CNTN4: variants seen among roughly 807,000 people sequenced by gnomAD.
The protein encoded by CNTN4 is contactin-4.
CNTN4 carries 77 observed loss-of-function variants against 122.5 expected under a neutral mutation model. The observed-to-expected ratio is 0.63, with a 90% confidence interval of 0.52 to 0.76. The LOEUF is 0.76. Ranked by LOEUF, CNTN4 falls within the 30% of genes least tolerant of loss-of-function variation. CNTN4 has a pLI of 0.00. For missense variants in CNTN4, 1,256 were observed against 1,259.1 expected (o/e 1.00, Z 0.04); for synonymous variants, 512 against 447.0 (o/e 1.15, Z -1.83).
intron 7 of CNTN4, among the ~76,000 whole-genome samples, chr3:2,833,182 A>T (rs748031339): frequency 5.3e-5 from 8 of 152,222 alleles, no homozygotes; most frequent in Non-Finnish European, 7.3e-5. Context: ...ACAAGAAAAC[A>T]TGGATTCTAT....
intron 4 of CNTN4, among the ~76,000 whole-genome samples, chr3:2,655,224 A>G (rs750979942): frequency 5.9e-5 from 9 of 152,332 alleles, no homozygotes; most frequent in South Asian, 4.1e-4. Flanking sequence ...TTGAATCATT[A>G]ACTCTGAAGA....
At chr3:2,208,583 A>T (rs2038468226) in intron 2 of CNTN4, among the ~76,000 whole-genome samples, 1 of 152,172 alleles carries the variant, frequency 6.6e-6, no homozygotes, top group South Asian at 2.1e-4. Flanking sequence ...ATAGAGTTTG[A>T]GAGAATTGAC....
At chr3:2,987,198 T>C (rs1694658352) in intron 13 of CNTN4, among the ~76,000 whole-genome samples, 1 of 152,172 alleles carries the variant, frequency 6.6e-6, no homozygotes, top group South Asian at 2.1e-4. Context: ...CCAGTGTGAC[T>C]AGAGTTCATC....
intron 2 of CNTN4, among the ~76,000 whole-genome samples, chr3:2,252,603 T>A (rs2040421234): frequency 2.0e-5 from 3 of 152,090 alleles, no homozygotes. Flanking sequence ...TGCAGGTTAG[T>A]TTGTCCTGTC....
chr3:2,715,992 C>A (rs190844324), intron 4 of CNTN4, among the ~76,000 whole-genome samples: 1 of 152,084 alleles, frequency 6.6e-6, no homozygotes, highest in Non-Finnish European at 1.5e-5. Flanking sequence ...GAGAAAGGGT[C>A]TCACTCTGTC....
At chr3:2,256,118 G>T (rs191341641) in intron 2 of CNTN4, among the ~76,000 whole-genome samples, 168 of 152,240 alleles carry the variant, frequency 1.1e-3, no homozygotes, top group African/African-American at 3.8e-3. Context: ...TATCACCACT[G>T]ATCCCATAGA....
intron 2 of CNTN4, among the ~76,000 whole-genome samples, chr3:2,299,674 G>T (rs561737282): frequency 3.1e-4 from 47 of 152,170 alleles, no homozygotes; most frequent in African/African-American, 1.1e-3. Flanking sequence ...AGTAGATGTA[G>T]AAATTTAACG....
At chr3:2,809,023 A>G (rs1297224388) in intron 6 of CNTN4, among the ~76,000 whole-genome samples, 1 of 152,248 alleles carries the variant, frequency 6.6e-6, no homozygotes, top group African/African-American at 2.4e-5. Context: ...ACTATGTATC[A>G]GACACTGTTT....
At chr3:2,574,045 C>T (rs1443147830) in intron 4 of CNTN4, among the ~76,000 whole-genome samples, 5 of 152,098 alleles carry the variant, frequency 3.3e-5, no homozygotes, top group South Asian at 4.2e-4. Context: ...GAAGAAGCCC[C>T]GTCTCTACTA....
intron 3 of CNTN4, among the ~76,000 whole-genome samples, chr3:2,431,032 T>A (rs1195133944): frequency 2.6e-5 from 4 of 152,072 alleles, no homozygotes; most frequent in Non-Finnish European, 4.4e-5. Context: ...GAAAAAAAAA[T>A]ATTCACCTAG....
At chr3:2,552,828 A>G (rs1251698700) in intron 3 of CNTN4, among the ~76,000 whole-genome samples, 2 of 152,152 alleles carry the variant, frequency 1.3e-5, no homozygotes, top group Non-Finnish European at 2.9e-5. Flanking sequence ...GGAAATTGGG[A>G]GATGTGTTCA....
rs149803583 is a variant in CNTN4 at position 2,754,285 on chromosome 3, C to T, written c.358+8588C>T. 4.6e-5 allele frequency among the ~76,000 whole-genome samples: 7 copies of T among 152,278 alleles called. 1 individual carries two copies. Among genetic ancestry groups the T allele is most frequent in the South Asian group, 4.1e-4 (2 of 4,828 alleles). ...TTCACTTTCTTGTAGTAGTTCAGAT[C>T]TGCAAAGCAAAAGACTTAAGCTACT... On this transcript the variant is annotated intron_variant, in intron 6 of 24. Transcript: ENST00000418658.
intron 3 of CNTN4, among the ~76,000 whole-genome samples, chr3:2,436,999 A>C (rs2048280506): frequency 6.6e-6 from 1 of 151,932 alleles, no homozygotes; most frequent in Admixed American, 6.6e-5. Flanking sequence ...TTTTCTTTAG[A>C]GTATAGAATG....
chr3:2,988,533 A>G (rs1355942084), intron 14 of CNTN4, 61 bp downstream of exon 14: 6 of 1,574,454 alleles, frequency 3.8e-6, no homozygotes, highest in Non-Finnish European at 5.2e-6. Context: ...TAATAATGTA[A>G]TCTACCGAAG....
intron 3 of CNTN4, among the ~76,000 whole-genome samples, chr3:2,426,186 A>G (rs1006134462): frequency 1.8e-4 from 28 of 152,164 alleles, no homozygotes; most frequent in African/African-American, 6.3e-4. Context: ...CCCATTCAGT[A>G]TGATGTTAGC....
intron 6 of CNTN4, among the ~76,000 whole-genome samples, chr3:2,757,507 G>A (rs1346624779): frequency 2.0e-5 from 3 of 152,276 alleles, no homozygotes; most frequent in African/African-American, 4.8e-5. Flanking sequence ...GGCTGTAACC[G>A]TTCCACTGTG....
chr3:2,462,329 C>T (rs373758326), intron 3 of CNTN4, among the ~76,000 whole-genome samples: 1 of 152,080 alleles, frequency 6.6e-6, no homozygotes, highest in African/African-American at 2.4e-5. Context: ...GCATTGTGCC[C>T]AGCAAGAGCC....
At chr3:2,884,122 A>G (rs2093943066) in intron 9 of CNTN4, among the ~76,000 whole-genome samples, 1 of 151,488 alleles carries the variant, frequency 6.6e-6, no homozygotes, top group Non-Finnish European at 1.5e-5. Flanking sequence ...ATTTTTCGGT[A>G]GAGGCAGGAT....
At chr3:2,315,189 A>G (rs2043052095) in intron 2 of CNTN4, among the ~76,000 whole-genome samples, 1 of 148,570 alleles carries the variant, frequency 6.7e-6, no homozygotes, top group Non-Finnish European at 1.5e-5. Context: ...AGTCAATATC[A>G]TTGAGCATAA....
Sources: gnomAD v4.1 joint callset for allele counts (sites outside exome capture counted in the v4.1 genomes callset) on GRCh38, gnomAD v4.1.1 for gene constraint, MANE v1.5 for transcripts, NCBI Gene and HGNC (gene_info 2026-07-23, HGNC 2026-07-21) for gene names.